PDE1C: variants seen among roughly 807,000 people sequenced by gnomAD.
PDE1C encodes the protein phosphodiesterase 1C, also known as dual specificity calcium/calmodulin-dependent 3',5'-cyclic nucleotide phosphodiesterase 1C.
In PDE1C, 62 loss-of-function variants were observed where a neutral mutation model predicts 93.1. That is an observed-to-expected ratio of 0.67 (90% CI 0.54 to 0.82). The LOEUF is 0.82. Among genes scored for constraint, PDE1C ranks in the 40% least tolerant of loss-of-function variants. The probability of loss-of-function intolerance (pLI) is 0.00; values close to 1 mark genes in which losing one functional copy is unlikely to be tolerated. For synonymous variants in PDE1C, 325 were observed against 310.1 expected (o/e 1.05, Z -0.50); for missense variants, 742 against 884.6 (o/e 0.84, Z 2.04).
chr7:32,273,352 G>A (rs1489909592), intron 1 of PDE1C, among the ~76,000 whole-genome samples: 2 of 151,686 alleles, frequency 1.3e-5, no homozygotes, highest in African/African-American at 4.9e-5. Context: ...AATTGAAAAA[G>A]TCTTGGTCCT....
intron 1 of PDE1C, among the ~76,000 whole-genome samples, chr7:32,058,444 G>A (rs956985366): frequency 1.3e-5 from 2 of 152,176 alleles, no homozygotes; most frequent in Non-Finnish European, 2.9e-5. Context: ...GAGATAAAAT[G>A]TCACAAATAA....
At chr7:32,294,298 T>C (rs1440068188) in intron 1 of PDE1C, among the ~76,000 whole-genome samples, 1 of 152,146 alleles carries the variant, frequency 6.6e-6, no homozygotes, top group African/African-American at 2.4e-5. Flanking sequence ...AGGAAACACA[T>C]CTCTGTTAGC....
At chr7:31,832,524 A>G (rs1348200502) in intron 11 of PDE1C, among the ~76,000 whole-genome samples, 1 of 152,208 alleles carries the variant, frequency 6.6e-6, no homozygotes, top group African/African-American at 2.4e-5. Flanking sequence ...TAATTTTTAA[A>G]AACACTCTAT....
chr7:32,157,355 G>A (rs1801636859), intron 3 of PDE1C, among the ~76,000 whole-genome samples: 1 of 152,116 alleles, frequency 6.6e-6, no homozygotes, highest in Non-Finnish European at 1.5e-5. Context: ...CCAAAACAAA[G>A]ATAATTGTTT....
intron 16 of PDE1C, chr7:31,786,425 T>C (rs920251698): frequency 2.6e-5 from 4 of 152,186 alleles, no homozygotes; most frequent in Non-Finnish European, 5.9e-5. Flanking sequence ...GCTATTTGTG[T>C]GAGTAGGGTA....
chr7:31,901,282 AAATATTAT>A (rs561376989), intron 2 of PDE1C, among the ~76,000 whole-genome samples: 166 of 151,840 alleles, frequency 1.1e-3, no homozygotes, highest in African/African-American at 3.8e-3. Context: ...ACACATAATG[AAATATTAT>A]ATAGTAAGTG....
At chr7:31,643,569 A>G in the PDE1C span, 1 of 1,614,046 alleles carries the variant, frequency 6.2e-7, no homozygotes, top group South Asian at 1.1e-5. Flanking sequence ...CCAGAGGAAC[A>G]TCTTTAGAAT....
intron 2 of PDE1C, among the ~76,000 whole-genome samples, chr7:31,952,930 ATTGT>A (rs1807605198): frequency 6.6e-6 from 1 of 152,110 alleles, no homozygotes; most frequent in Non-Finnish European, 1.5e-5. Flanking sequence ...TACATCTAGT[ATTGT>A]TTAATTTTCT....
intron 2 of PDE1C, among the ~76,000 whole-genome samples, chr7:31,928,927 CACA>C (rs1187746355): frequency 2.0e-5 from 3 of 152,142 alleles, no homozygotes; most frequent in Admixed American, 6.5e-5. Flanking sequence ...CAAATTCACA[CACA>C]ACAATATTAA....
At chr7:31,963,074 C>T (rs897000419) in intron 2 of PDE1C, among the ~76,000 whole-genome samples, 8 of 152,066 alleles carry the variant, frequency 5.3e-5, no homozygotes, top group Non-Finnish European at 1.0e-4. Flanking sequence ...AAAAGCAATG[C>T]TTTAGAAAAA....
chr7:32,031,846 T>C (rs1350962731), intron 2 of PDE1C, among the ~76,000 whole-genome samples: 4 of 152,032 alleles, frequency 2.6e-5, no homozygotes, highest in Non-Finnish European at 5.9e-5. Context: ...TGGGAAGAGA[T>C]GGGGCAAGGA....
chr7:32,104,881 T>A (rs1798221219), intron 3 of PDE1C, among the ~76,000 whole-genome samples: 1 of 152,236 alleles, frequency 6.6e-6, no homozygotes, highest in Non-Finnish European at 1.5e-5. Context: ...CCAGTTCAAA[T>A]GCATGGCAGA....
intron 2 of PDE1C, among the ~76,000 whole-genome samples, chr7:32,195,907 G>A (rs1804578650): frequency 6.6e-6 from 1 of 152,078 alleles, no homozygotes. Flanking sequence ...GCTGGGAAGG[G>A]GTGAGAGTTT....
At position 32,350,562 on chromosome 7, in the gene PDE1C, A is replaced by T. The variant is rs1240329573; in HGVS notation, c.310+77260T>A. Among the ~76,000 whole-genome samples the T allele has an allele frequency of 8.0e-3, 4 of 502 alleles. 1 individual carries two copies. Among genetic ancestry groups the T allele is most frequent in the African/African-American group, 6.1e-3 (2 of 330 alleles). The allele number at this position is 502 out of a possible 152,430, so 0.3% of individuals were successfully genotyped here. On this transcript the variant is annotated intron_variant, in intron 1 of 1. Coordinates refer to the PDE1C transcript ENST00000672256. ...GCATTTGACTAATATATATATATAT[A>T]TATATATATATATATATATATATAT...
At chr7:31,781,462 C>A (rs1783405149) in intron 16 of PDE1C, among the ~76,000 whole-genome samples, 1 of 152,158 alleles carries the variant, frequency 6.6e-6, no homozygotes, top group South Asian at 2.1e-4. Flanking sequence ...TAAATGACTG[C>A]CTTTCTGATA....
At chr7:31,793,928 T>C (rs919116601) in intron 16 of PDE1C, among the ~76,000 whole-genome samples, 1 of 151,728 alleles carries the variant, frequency 6.6e-6, no homozygotes, top group African/African-American at 2.4e-5. Context: ...CCTCTCATCA[T>C]GTATTATTCC....
intron 2 of PDE1C, among the ~76,000 whole-genome samples, chr7:31,984,382 C>G (rs1289502888): frequency 6.6e-6 from 1 of 152,108 alleles, no homozygotes; most frequent in African/African-American, 2.4e-5. Context: ...CCATCCGTGG[C>G]AAAATTGTCT....
intron 1 of PDE1C, among the ~76,000 whole-genome samples, chr7:32,067,469 G>A (rs570097002): frequency 7.9e-5 from 12 of 152,302 alleles, no homozygotes; most frequent in African/African-American, 2.4e-4. Flanking sequence ...GTATGGGTAC[G>A]GGTTGGAATG....
At chr7:31,981,831 A>C (rs553411140) in intron 2 of PDE1C, among the ~76,000 whole-genome samples, 45 of 152,378 alleles carry the variant, frequency 3.0e-4, no homozygotes, top group Middle Eastern at 6.8e-3. Context: ...AGAAAGCTTT[A>C]TAACTGAAAG....
Sources: gnomAD v4.1 joint callset for allele counts (sites outside exome capture counted in the v4.1 genomes callset) on GRCh38, gnomAD v4.1.1 for gene constraint, MANE v1.5 for transcripts, NCBI Gene and HGNC (gene_info 2026-07-23, HGNC 2026-07-21) for gene names.